Variants in GSE1 observed in about 807,000 individuals in gnomAD.
The protein encoded by GSE1 is genetic suppressor element 1.
A neutral mutation model predicts 112.6 loss-of-function variants in GSE1; 32 were observed. The observed-to-expected ratio is 0.28, with a 90% CI of 0.21 to 0.38. The LOEUF (loss-of-function observed/expected upper bound fraction) is 0.38, where lower values mean the gene tolerates loss of function less well. Among genes scored for constraint, GSE1 ranks in the 10% least tolerant of loss-of-function variants. The pLI is 1.00. For synonymous variants in GSE1, 1,115 were observed against 735.6 expected, an observed-to-expected ratio of 1.52 and a Z score of -8.35; for missense variants, 2,348 against 1,699.2, an observed-to-expected ratio of 1.38 and a Z score of -6.71.
intron 2 of GSE1, among the ~76,000 whole-genome samples, chr16:85,532,643 G>A (rs1043179232): frequency 5.9e-5 from 9 of 152,056 alleles, no homozygotes; most frequent in African/African-American, 1.7e-4. Flanking sequence ...CCACCGCCCC[G>A]CACTGTTCCT....
At chr16:85,308,522 G>A (rs2045742214) in intron 1 of GSE1, among the ~76,000 whole-genome samples, 1 of 152,054 alleles carries the variant, frequency 6.6e-6, no homozygotes, top group African/African-American at 2.4e-5. Flanking sequence ...CAAACTCCTC[G>A]GGGACTTCGA....
chr16:85,412,970 C>A (rs967187291), intron 2 of GSE1, among the ~76,000 whole-genome samples: 1 of 152,196 alleles, frequency 6.6e-6, no homozygotes, highest in African/African-American at 2.4e-5. Context: ...GGCCCGGGTG[C>A]CTGTTCGGGT....
At chr16:85,512,491 A>C (rs1197357063) in intron 2 of GSE1, among the ~76,000 whole-genome samples, 1 of 152,204 alleles carries the variant, frequency 6.6e-6, no homozygotes, top group African/African-American at 2.4e-5. Flanking sequence ...CCCACGCTTC[A>C]AAGTGCTCAC....
intron 1 of GSE1, among the ~76,000 whole-genome samples, chr16:85,578,772 G>C (rs1291730087): frequency 6.6e-6 from 1 of 152,114 alleles, no homozygotes; most frequent in Non-Finnish European, 1.5e-5. Context: ...GCACAGGCTA[G>C]TCTCTCTTGC....
At chr16:85,230,870 A>ATGG (rs1567625431) in intron 1 of GSE1, among the ~76,000 whole-genome samples, 19 of 115,574 alleles carry the variant, frequency 1.6e-4, no homozygotes, top group East Asian at 7.5e-4. Flanking sequence ...TGGATGGATG[A>ATGG]GTGGACGGAC....
chr16:85,664,758 T>A, intron 11 of GSE1: 1 of 411,888 alleles, frequency 2.4e-6, no homozygotes, highest in African/African-American at 2.0e-5. Flanking sequence ...GCACAGTGAT[T>A]CACAGAGGCG....
At chr16:85,315,544 G>A (rs925464900) in intron 1 of GSE1, among the ~76,000 whole-genome samples, 3 of 152,026 alleles carry the variant, frequency 2.0e-5, no homozygotes, top group Admixed American at 6.5e-5. Context: ...GGGCTCCCTC[G>A]TTCATTCCGT....
At chr16:85,342,951 G>A (rs1360093054) in intron 1 of GSE1, among the ~76,000 whole-genome samples, 4 of 151,860 alleles carry the variant, frequency 2.6e-5, no homozygotes, top group South Asian at 2.1e-4. Context: ...AGAGAAAGCC[G>A]GGCACAGGCT....
In GSE1 at chr16:85,403,656, G is replaced by A. The variant is rs115246880; in HGVS notation, c.2464+46013G>A. On this transcript the variant is annotated intron_variant, in intron 2 of 2. Coordinates refer to the GSE1 transcript ENST00000637419. ...ATAAAAAAACAAAATAACAAAATTAGCCGGGTATGGTAGCACATGCCTGTG... is the reference window on the plus strand; with the variant it reads ...ATAAAAAAACAAAATAACAAAATTAACCGGGTATGGTAGCACATGCCTGTG... Among the ~76,000 whole-genome samples the A allele has an allele frequency of 2.5e-3, 375 of 152,156 alleles. 1 individual carries two copies. The highest frequency in any genetic ancestry group is 8.6e-3 in the African/African-American group (359 of 41,514).
At chr16:85,497,606 C>T (rs963157219) in intron 2 of GSE1, among the ~76,000 whole-genome samples, 1 of 152,210 alleles carries the variant, frequency 6.6e-6, no homozygotes, top group Admixed American at 6.5e-5. Flanking sequence ...AGGGACCAGG[C>T]CTCCTATGTC....
chr16:85,595,049 T>C (rs890888078), intron 1 of GSE1: 2 of 152,346 alleles, frequency 1.3e-5, no homozygotes, highest in Non-Finnish European at 1.5e-5. Context: ...CCTGTCTCTG[T>C]TGAGTTCGGA....
chr16:85,585,795 G>A (rs1188005174), intron 1 of GSE1, among the ~76,000 whole-genome samples: 4 of 152,236 alleles, frequency 2.6e-5, no homozygotes, highest in African/African-American at 9.6e-5. Flanking sequence ...TGTCTTAAGT[G>A]TCTGATCCAC....
At chr16:85,667,028 A>C (rs983073118) in intron 13 of GSE1, among the ~76,000 whole-genome samples, 1 of 152,276 alleles carries the variant, frequency 6.6e-6, no homozygotes, top group African/African-American at 2.4e-5. Context: ...ATACGCAGAT[A>C]CTATGCCACT....
chr16:85,312,420 C>T (rs2045880509), intron 1 of GSE1, among the ~76,000 whole-genome samples: 1 of 152,218 alleles, frequency 6.6e-6, no homozygotes, highest in African/African-American at 2.4e-5. Flanking sequence ...CCCATTGGTC[C>T]CAGGTGTGCC....
intron 1 of GSE1, among the ~76,000 whole-genome samples, chr16:85,298,726 C>G (rs566553851): frequency 5.8e-4 from 89 of 152,334 alleles, no homozygotes; most frequent in Non-Finnish European, 1.0e-3. Flanking sequence ...TGCACCTGGC[C>G]GAGACCTCAT....
intron 1 of GSE1, among the ~76,000 whole-genome samples, chr16:85,350,157 C>A (rs757826875): frequency 1.3e-5 from 2 of 152,158 alleles, no homozygotes; most frequent in Non-Finnish European, 2.9e-5. Context: ...AGTAGGTACT[C>A]GGGACAAGTA....
At chr16:85,183,748 A>G (rs2074643550) in intron 1 of GSE1, among the ~76,000 whole-genome samples, 1 of 152,118 alleles carries the variant, frequency 6.6e-6, no homozygotes, top group Non-Finnish European at 1.5e-5. Flanking sequence ...GATTATCCCC[A>G]TTTTACAGAT....
At chr16:85,474,730 T>C (rs753905726) in intron 2 of GSE1, among the ~76,000 whole-genome samples, 17 of 138,104 alleles carry the variant, frequency 1.2e-4, no homozygotes, top group Non-Finnish European at 2.5e-4. Context: ...CACTCCCACC[T>C]TCTCCTCCCC....
upstream of GSE1, chr16:85,555,127 G>A: frequency 2.0e-6 from 2 of 985,298 alleles, no homozygotes; most frequent in Non-Finnish European, 2.4e-6. Context: ...GCCGCCTTCA[G>A]CCGCCCGCCG....
Sources: allele counts gnomAD v4.1 joint callset (sites outside exome capture counted in the v4.1 genomes callset), GRCh38; gene constraint gnomAD v4.1.1; transcripts MANE v1.5; gene names NCBI Gene and HGNC (gene_info 2026-07-23, HGNC 2026-07-21).